FBXW7: variants seen among roughly 807,000 people sequenced by gnomAD.
The protein encoded by FBXW7 is F-box and WD repeat domain containing 7.
In FBXW7, 11 loss-of-function variants were observed where a neutral mutation model predicts 86.3. That is an observed-to-expected ratio of 0.13 (90% CI 0.08 to 0.21). The LOEUF is 0.21. FBXW7 is among the 10% of genes least tolerant of loss of function. The pLI, the probability that FBXW7 is intolerant of heterozygous loss-of-function variation, is 1.00. For synonymous variants in FBXW7, 313 were observed against 297.9 expected, an observed-to-expected ratio of 1.05 and a Z score of -0.52; for missense variants, 488 against 847.4, an observed-to-expected ratio of 0.58 and a Z score of 5.27.
At chr4:152,474,821 A>T (rs1744253377) in intron 2 of FBXW7, among the ~76,000 whole-genome samples, 1 of 151,664 alleles carries the variant, frequency 6.6e-6, no homozygotes, top group Non-Finnish European at 1.5e-5. Flanking sequence ...GCACGCCACC[A>T]CTCCCAGCTA....
intron 2 of FBXW7, among the ~76,000 whole-genome samples, chr4:152,507,440 T>C (rs1240971240): frequency 1.3e-5 from 2 of 152,208 alleles, no homozygotes; most frequent in African/African-American, 2.4e-5. Context: ...TTTGACACAA[T>C]GTAACTTGTG....
intron 6 of FBXW7, among the ~76,000 whole-genome samples, chr4:152,344,450 A>G (rs1383872697): frequency 2.0e-5 from 3 of 152,090 alleles, no homozygotes; most frequent in African/African-American, 7.2e-5. Context: ...ATTCCTGTTA[A>G]CTAAGAACAT....
intron 2 of FBXW7, among the ~76,000 whole-genome samples, chr4:152,483,648 T>A (rs1376962410): frequency 6.6e-6 from 1 of 151,994 alleles, no homozygotes; most frequent in African/African-American, 2.4e-5. Context: ...CAATGAGCCA[T>A]GATCATGCCA....
At chr4:152,441,711 A>G (rs2126985740) in intron 2 of FBXW7, among the ~76,000 whole-genome samples, 1 of 152,302 alleles carries the variant, frequency 6.6e-6, no homozygotes, top group Non-Finnish European at 1.5e-5. Context: ...ATGCCAAATT[A>G]TATCTAAAAG....
intron 4 of FBXW7, chr4:152,352,353 T>G: frequency 7.9e-7 from 1 of 1,264,678 alleles, no homozygotes; most frequent in East Asian, 2.4e-5. Flanking sequence ...ATACCAGACA[T>G]CCAGCCACCC....
chr4:152,362,560 C>T (rs2126703692), intron 4 of FBXW7, among the ~76,000 whole-genome samples: 1 of 152,158 alleles, frequency 6.6e-6, no homozygotes, highest in South Asian at 2.1e-4. Flanking sequence ...CCTGTAATCC[C>T]AGCACTTTGG....
At chr4:152,360,196 G>A (rs1732799206) in intron 4 of FBXW7, among the ~76,000 whole-genome samples, 1 of 152,024 alleles carries the variant, frequency 6.6e-6, no homozygotes, top group Non-Finnish European at 1.5e-5. Context: ...CCATCTTAGG[G>A]CATTATGTGT....
intron 2 of FBXW7, among the ~76,000 whole-genome samples, chr4:152,474,628 TC>T (rs1196128002): frequency 7.9e-5 from 12 of 152,210 alleles, no homozygotes; most frequent in Admixed American, 5.9e-4. Context: ...CAGAATTGAA[TC>T]CTATTATCTT....
chr4:152,344,307 T>C (rs1183716908), intron 6 of FBXW7, among the ~76,000 whole-genome samples: 2 of 152,156 alleles, frequency 1.3e-5, no homozygotes, highest in African/African-American at 4.8e-5. Context: ...GAGACAGACA[T>C]GGTACTCAAA....
At chr4:152,433,140 T>A (rs1425510194) in intron 2 of FBXW7, among the ~76,000 whole-genome samples, 3 of 152,222 alleles carry the variant, frequency 2.0e-5, no homozygotes, top group African/African-American at 7.2e-5. Context: ...TGATGAATGT[T>A]GGGGAGTTGT....
At chr4:152,524,632 CT>C (rs900104765) in intron 2 of FBXW7, among the ~76,000 whole-genome samples, 5 of 152,152 alleles carry the variant, frequency 3.3e-5, no homozygotes, top group Admixed American at 1.3e-4. Flanking sequence ...CTGACTAAGA[CT>C]GAACTCAAAA....
chr4:152,467,039 A>T (rs1743518904), intron 2 of FBXW7, among the ~76,000 whole-genome samples: 1 of 152,232 alleles, frequency 6.6e-6, no homozygotes, highest in Admixed American at 6.5e-5. Flanking sequence ...GATAATCCTT[A>T]GTCTAAAAAG....
chr4:152,532,337 C>T (rs575614655), intron 2 of FBXW7, among the ~76,000 whole-genome samples: 13 of 152,272 alleles, frequency 8.5e-5, no homozygotes, highest in African/African-American at 2.9e-4. Context: ...AATGTTGGTT[C>T]CCTAGAAAAA....
chr4:152,346,114 T>G (rs1321249685), intron 6 of FBXW7, among the ~76,000 whole-genome samples: 1 of 152,140 alleles, frequency 6.6e-6, no homozygotes, highest in African/African-American at 2.4e-5. Context: ...GAAGAAGAGA[T>G]AAATCAATGT....
At chr4:152,388,135 A>G (rs1735702240) in intron 4 of FBXW7, among the ~76,000 whole-genome samples, 1 of 152,188 alleles carries the variant, frequency 6.6e-6, no homozygotes, top group Non-Finnish European at 1.5e-5. Context: ...AATGTTCTAA[A>G]AGATATTTAT....
At chr4:152,382,746 TA>T (rs918994538) in intron 4 of FBXW7, among the ~76,000 whole-genome samples, 6 of 151,950 alleles carry the variant, frequency 3.9e-5, no homozygotes, top group African/African-American at 1.4e-4. Context: ...AAAAATAAAA[TA>T]AAAAAAACAA....
Position 152,519,498 on chromosome 4 carries a change from C to T in FBXW7, c.-120+15443G>A, listed in dbSNP as rs572716863. Reference sequence around the variant, plus strand: ...AAAAGATTTAACTCTCACTCAACAACACATTTCACATATAAAATCAGTTTT... The same window carrying T: ...AAAAGATTTAACTCTCACTCAACAATACATTTCACATATAAAATCAGTTTT... On this transcript the variant is annotated intron_variant, in intron 2 of 13. Coordinates refer to ENST00000281708, the MANE Select transcript of FBXW7 (RefSeq NM_001349798.2). Among the ~76,000 whole-genome samples the T allele has an allele frequency of 7.9e-5, 12 of 152,302 alleles. 1 individual carries two copies. In the South Asian group the frequency reaches 2.1e-3, roughly 26 times the overall value.
chr4:152,391,701 G>A (rs542839871), intron 4 of FBXW7, among the ~76,000 whole-genome samples: 10 of 152,136 alleles, frequency 6.6e-5, no homozygotes, highest in East Asian at 1.9e-4. Flanking sequence ...TCACCACGCC[G>A]AAACCCTGAG....
At chr4:152,523,304 CA>C (rs140300923) in intron 2 of FBXW7, among the ~76,000 whole-genome samples, 1 of 149,154 alleles carries the variant, frequency 6.7e-6, no homozygotes, top group Non-Finnish European at 1.5e-5. Flanking sequence ...TTGGAGAGAC[CA>C]AAAAAAACAC....
Sources: gnomAD v4.1 joint callset for allele counts (sites outside exome capture counted in the v4.1 genomes callset) on GRCh38, gnomAD v4.1.1 for gene constraint, MANE v1.5 for transcripts, NCBI Gene and HGNC (gene_info 2026-07-23, HGNC 2026-07-21) for gene names.